The following CIMIP4 variants were observed in gnomAD, a reference collection of about 807,000 sequenced individuals.
CIMIP4 encodes protein EAN57.
chr22:37,004,372 T>TCCA, the CIMIP4 span, among the ~76,000 whole-genome samples: 1 of 151,210 alleles, frequency 6.6e-6, no homozygotes, highest in Non-Finnish European at 1.5e-5. Context: ...TCCTTTCATC[T>TCCA]CCTCCTCCTC....
chr22:36,991,230 T>C, the CIMIP4 span: 10 of 1,614,088 alleles, frequency 6.2e-6, no homozygotes, highest in African/African-American at 1.2e-4. Context: ...TCTCTTCCAG[T>C]GCTTTCTGCA....
At chr22:37,002,243 G>T in the CIMIP4 span, 1 of 1,452,738 alleles carries the variant, frequency 6.9e-7, no homozygotes, top group East Asian at 2.5e-5. Context: ...CGCTTTCCAG[G>T]GGTCCAAGTC....
At chr22:36,991,710 G>T in the CIMIP4 span, 4 of 858,564 alleles carry the variant, frequency 4.7e-6, no homozygotes, top group Non-Finnish European at 7.6e-6. Flanking sequence ...GAAGGAGAGT[G>T]GGAAGGGTTT....
At chr22:36,995,799 TAC>T in the CIMIP4 span, among the ~76,000 whole-genome samples, 1 of 152,208 alleles carries the variant, frequency 6.6e-6, no homozygotes, top group African/African-American at 2.4e-5. Flanking sequence ...CCTCCCCAGC[TAC>T]ATGGAACTGT....
At chr22:36,995,668 A>G in the CIMIP4 span, among the ~76,000 whole-genome samples, 1 of 152,178 alleles carries the variant, frequency 6.6e-6, no homozygotes, top group African/African-American at 2.4e-5. Flanking sequence ...TTTCCATGGT[A>G]GTGAATAAAT....
the CIMIP4 span, among the ~76,000 whole-genome samples, chr22:36,992,548 T>G: frequency 6.6e-6 from 1 of 152,050 alleles, no homozygotes; most frequent in Non-Finnish European, 1.5e-5. Flanking sequence ...GGACTTGCTT[T>G]GAAATAATCT....
the CIMIP4 span, among the ~76,000 whole-genome samples, chr22:36,996,878 A>G: frequency 1.3e-5 from 2 of 152,340 alleles, no homozygotes; most frequent in East Asian, 3.9e-4. Context: ...TCAAAACCTG[A>G]TGGATAACAG....
the CIMIP4 span, among the ~76,000 whole-genome samples, chr22:37,000,925 G>A: frequency 6.6e-6 from 1 of 152,130 alleles, no homozygotes; most frequent in African/African-American, 2.4e-5. Context: ...GGGGAGCCTA[G>A]GAGAAGCCTG....
At chr22:36,991,464 C>A in the CIMIP4 span, 425,844 of 1,611,446 alleles carry the variant, frequency 0.26, 57,882 homozygotes, top group Middle Eastern at 0.31. Flanking sequence ...TCCCATCACC[C>A]GCAGCTCCTC....
the CIMIP4 span, among the ~76,000 whole-genome samples, chr22:36,995,559 C>T: frequency 2.6e-5 from 4 of 152,330 alleles, no homozygotes; most frequent in African/African-American, 7.2e-5. Context: ...CCAGGACTCA[C>T]GGCCATGCCA....
the CIMIP4 span, chr22:37,003,895 C>T: frequency 6.8e-7 from 1 of 1,474,452 alleles, no homozygotes; most frequent in Non-Finnish European, 9.1e-7. Flanking sequence ...GGGCCGGTGC[C>T]CTGCTGCCCC....
chr22:36,992,246 C>T, the CIMIP4 span, among the ~76,000 whole-genome samples: 1 of 152,106 alleles, frequency 6.6e-6, no homozygotes, highest in Admixed American at 6.6e-5. Context: ...ACTCAGGAGG[C>T]TGAGGTAGGA....
At chr22:36,999,576 A>AG in the CIMIP4 span, among the ~76,000 whole-genome samples, 2 of 2,934 alleles carry the variant, frequency 6.8e-4, no homozygotes, top group African/African-American at 5.2e-3. Flanking sequence ...GGGGGAGGGG[A>AG]GGGGAGGGGG....
the CIMIP4 span, among the ~76,000 whole-genome samples, chr22:37,000,411 C>G: frequency 1.3e-5 from 2 of 152,210 alleles, no homozygotes; most frequent in African/African-American, 4.8e-5. Flanking sequence ...CACAGGGCAG[C>G]TCTGGGTGGG....
At chr22:36,996,932 A>G in the CIMIP4 span, among the ~76,000 whole-genome samples, 1 of 152,252 alleles carries the variant, frequency 6.6e-6, no homozygotes, top group Non-Finnish European at 1.5e-5. Flanking sequence ...AGCCTATTCA[A>G]TAAAAGGTAC....
chr22:37,006,710 G>A, the CIMIP4 span, among the ~76,000 whole-genome samples: 3 of 152,126 alleles, frequency 2.0e-5, no homozygotes, highest in Admixed American at 6.5e-5. Context: ...CATTATTGGG[G>A]GCCAGAGGGC....
At chr22:36,998,078 C>G in the CIMIP4 span, among the ~76,000 whole-genome samples, 1 of 152,302 alleles carries the variant, frequency 6.6e-6, no homozygotes, top group East Asian at 1.9e-4. Flanking sequence ...GCTATGAGCT[C>G]CAGCACACCC....
the CIMIP4 span, chr22:36,999,950 T>A: frequency 6.2e-7 from 1 of 1,613,676 alleles, no homozygotes; most frequent in Non-Finnish European, 8.5e-7. Flanking sequence ...TGCCCTTTTC[T>A]GGCCCTCGAA....
the CIMIP4 span, among the ~76,000 whole-genome samples, chr22:36,992,626 C>T: frequency 6.6e-6 from 1 of 152,084 alleles, no homozygotes; most frequent in Non-Finnish European, 1.5e-5. Context: ...ATTGTTGAGG[C>T]TGAGTGGTAT....
Sources: gnomAD v4.1 joint callset for allele counts (sites outside exome capture counted in the v4.1 genomes callset) on GRCh38, gnomAD v4.1.1 for gene constraint, MANE v1.5 for transcripts, NCBI Gene and HGNC (gene_info 2026-07-23, HGNC 2026-07-21) for gene names.